The following C6orf132 variants were observed in gnomAD, a reference collection of about 807,000 sequenced individuals.
The protein encoded by C6orf132 is chromosome 6 open reading frame 132, also known as uncharacterized protein C6orf132.
C6orf132 carries 43 observed loss-of-function variants against 65.3 expected under a neutral mutation model. That is an observed-to-expected ratio of 0.66 (90% CI 0.52 to 0.85). C6orf132 has a LOEUF of 0.85. Ranked by LOEUF, C6orf132 falls within the 40% of genes least tolerant of loss-of-function variation. C6orf132 has a pLI of 0.00. For synonymous variants in C6orf132, 631 were observed against 654.1 expected (o/e 0.96, Z 0.54); for missense variants, 1,488 against 1,548.8 (o/e 0.96, Z 0.66).
chr6:42,142,588 A>C lies in C6orf132; in HGVS notation c.-144T>G. Reference sequence around the variant, plus strand: ...CCTCCCCGCCCGCGCACCGGGCAACAGGTGCTGCGGGCGCCGCCGCTTGCC... The same window carrying C: ...CCTCCCCGCCCGCGCACCGGGCAACCGGTGCTGCGGGCGCCGCCGCTTGCC... On this transcript the variant is annotated 5_prime_UTR_variant, in exon 1 of 5. Transcript: ENST00000341865. The C allele has an allele frequency of 5.2e-4, 161 of 311,664 alleles. No homozygotes were observed. The highest frequency in any genetic ancestry group is 1.4e-3 in the Middle Eastern group (1 of 726). The allele number at this position is 311,664 out of a possible 1,614,324, so 19.3% of individuals were successfully genotyped here.
rs1273883944 is a variant in C6orf132, at chr6:42,101,416, C to CAT, written c.*2344_*2345insAT. The CAT allele has an allele frequency of 6.6e-6, 1 of 152,262 alleles. No individual in the cohort carries two copies. Among genetic ancestry groups the CAT allele is most frequent in the Non-Finnish European group, 1.5e-5 (1 of 68,072 alleles). The allele number at this position is 152,262 out of a possible 1,614,324, so 9.4% of individuals were successfully genotyped here. A position where few individuals can be genotyped will look rare whatever the true frequency, so the allele number is the denominator to read the frequency against. On this transcript the variant is annotated 3_prime_UTR_variant, in exon 5 of 5. Transcript: ENST00000341865. ...GCTTTTTCAATCCTCTTCCACCAGA[C>CAT]AGACTATTAGCTTGCCATGAACAGG...
At chr6:42,132,107 G>C (rs528786856) in intron 1 of C6orf132, among the ~76,000 whole-genome samples, 3 of 152,340 alleles carry the variant, frequency 2.0e-5, no homozygotes, top group Admixed American at 6.5e-5. Context: ...CAAGGAAACA[G>C]ACTCTCCTGG....
rs1035017430 is a variant in C6orf132 at position 42,101,652 on chromosome 6, C to G, written c.*2109G>C. 2 of 152,174 alleles carry G rather than the reference C, an allele frequency of 1.3e-5. No homozygotes were observed. The highest frequency in any genetic ancestry group is 6.5e-5 in the Admixed American group (1 of 15,274). 9.4% of individuals were successfully genotyped at this position (152,174 alleles called of 1,614,324 possible). A position where few individuals can be genotyped will look rare whatever the true frequency, so the allele number is the denominator to read the frequency against. On this transcript the variant is annotated 3_prime_UTR_variant, in exon 5 of 5. Transcript: ENST00000341865. ...GAGAGTCTACGCCCCACCCCTCGAG[C>G]CTTAACATAGCAGATAAATTAATGA...
In C6orf132 at chr6:42,104,878, G is replaced by A; in HGVS notation, c.3034C>T (p.Pro1012Ser). The change falls in exon 4 of 5, where the codon CCT becomes TCT. Residue 1012 changes from proline (P) to serine (S), a missense_variant. By Grantham distance (74) the Pro-to-Ser change is moderately conservative. Transcript: ENST00000341865. This position sits in a 1 kb window ranked among gnomAD's most constrained non-coding sequence, Gnocchi z 4.1. ...AAGTCTGAGTAGTTGTTCCGGGGAG[G>A]GGAGCTCTGGCGGCCCAGATACTGG... is the stretch of plus-strand genomic sequence containing the variant. ...ALQYLGRQSS[P>S]PRNNYSDLRQ... The A allele has an allele frequency of 6.9e-7, 1 of 1,448,988 alleles. No individual in the cohort carries two copies. The highest frequency in any genetic ancestry group is 2.5e-5 in the East Asian group (1 of 40,064). The allele number at this position is 1,448,988 out of a possible 1,614,324, so 89.8% of individuals were successfully genotyped here.
intron 2 of C6orf132, among the ~76,000 whole-genome samples, chr6:42,110,829 T>A (rs1766483446): frequency 6.6e-6 from 1 of 152,190 alleles, no homozygotes; most frequent in African/African-American, 2.4e-5. Context: ...AACTCAAAAT[T>A]TTCACTGCTC....
chr6:42,104,265 G>C lies in C6orf132; in HGVS notation c.3449+198C>G, dbSNP rs1209671679. 1.3e-5 allele frequency among the ~76,000 whole-genome samples: 2 copies of C among 152,258 alleles called. No homozygotes were observed. Among genetic ancestry groups the C allele is most frequent in the Non-Finnish European group, 2.9e-5 (2 of 68,040 alleles). ...GACGAGAGGAGCTGGTGGGGAAAGA[G>C]AAGGGAGGTCAGGAGGGAGGTCAGG... is the stretch of plus-strand genomic sequence containing the variant. On this transcript the variant is annotated intron_variant, in intron 4 of 4. Coordinates refer to ENST00000341865, the MANE Select transcript of C6orf132 (RefSeq NM_001164446.3). The surrounding 1 kb of genome is among the most constrained non-coding windows in gnomAD (Gnocchi z 4.1).
rs748460340 is a variant in C6orf132, at chr6:42,107,437, C to A, written c.475G>T (p.Gly159Trp). 24 of 1,444,304 alleles carry A rather than the reference C, an allele frequency of 1.7e-5. No homozygotes were observed. The South Asian group carries it at 2.7e-4, about 16-fold the overall frequency. 89.5% of individuals were successfully genotyped at this position (1,444,304 alleles called of 1,614,324 possible). The change falls in exon 4 of 5, where the codon GGG becomes TGG. Residue 159 changes from glycine (G) to tryptophan (W), a missense_variant. By Grantham distance (184) the Gly-to-Trp change is radical (BLOSUM62 -2). Transcript: ENST00000341865. ...GPPQDISEPP[G>W]GSPLPSPPST... is the part of the protein sequence containing the mutation. ...GGTGGAGATGGCAGTGGCGACCCCC[C>A]TGGAGGTTCTGAAATGTCCTGAGGG...
At position 42,124,524 on chromosome 6, in the gene C6orf132, C is replaced by T. The variant is rs1257550895; in HGVS notation, c.252+4148G>A. Among the ~76,000 whole-genome samples the T allele has an allele frequency of 6.6e-6, 1 of 152,188 alleles. No homozygotes were observed. The highest frequency in any genetic ancestry group is 2.4e-5 in the African/African-American group (1 of 41,450). On this transcript the variant is annotated intron_variant, in intron 2 of 4. Transcript: ENST00000341865. The surrounding 1 kb of genome is among the most constrained non-coding windows in gnomAD (Gnocchi z 4.0). ...CACTGCTACCTCGTACCTCCCCTAC[C>T]CACTGGGCAGCCTGGCCTGGGAGGT...
intron 1 of C6orf132, among the ~76,000 whole-genome samples, chr6:42,129,231 G>A (rs1353014137): frequency 2.0e-5 from 3 of 152,220 alleles, no homozygotes; most frequent in Admixed American, 6.5e-5. Flanking sequence ...CCTGCTGTCC[G>A]CAGTGGCCAA....
At chr6:42,107,732 T>C (rs1766436734) in intron 3 of C6orf132, 149 bp from the exon 4 acceptor site, 1 of 992,056 alleles carries the variant, frequency 1.0e-6, no homozygotes. Context: ...AGCAGCCCTG[T>C]GTCCAGTCTC....
chr6:42,109,692 C>A (rs1166793393), intron 3 of C6orf132, among the ~76,000 whole-genome samples: 1 of 152,074 alleles, frequency 6.6e-6, no homozygotes, highest in Non-Finnish European at 1.5e-5. Context: ...CGGTCAGACT[C>A]CAGCAGTCCT....
At position 42,107,294 on chromosome 6, in the gene C6orf132, TG is replaced by T; in HGVS notation, c.617del (p.Pro206HisfsTer19). 1.1e-6 allele frequency: 1 copy of T among 880,010 alleles called. No individual in the cohort carries two copies. The highest frequency in any genetic ancestry group is 1.4e-6 in the Non-Finnish European group (1 of 697,416). The allele number at this position is 880,010 out of a possible 1,614,324, so 54.5% of individuals were successfully genotyped here. On this transcript the variant is annotated frameshift_variant, in exon 4 of 5. Coordinates refer to ENST00000341865, the MANE Select transcript of C6orf132 (RefSeq NM_001164446.3). LOFTEE classifies it high-confidence loss of function. ...TGAAGTCAGGAGGGGTGGGTATGGATGGGGAGGAAAGAGTGTGTGGTGGGGA... is the reference window on the plus strand; with the variant it reads ...TGAAGTCAGGAGGGGTGGGTATGGATGGGAGGAAAGAGTGTGTGGTGGGGA... The part of the protein sequence containing the change: ...ALSPPHTLSS[P>X]SIPTPPDFIP...
At chr6:42,119,705 G>C (rs1028944226) in intron 2 of C6orf132, among the ~76,000 whole-genome samples, 2 of 151,778 alleles carry the variant, frequency 1.3e-5, no homozygotes, top group South Asian at 4.1e-4. Context: ...GGCCAGGCTG[G>C]TCTCGAACTC....
Position 42,105,638 on chromosome 6 carries a change from T to C in C6orf132, c.2274A>G (p.Thr758=). The change falls in exon 4 of 5, where the codon ACA becomes ACG. Residue 758 remains threonine, a synonymous_variant. Coordinates refer to ENST00000341865, the MANE Select transcript of C6orf132 (RefSeq NM_001164446.3). ...ATGGCACCTCTCCTCCACCAGGAGA[T>C]GTCTTTGGTGGGAAGGCTGCAGATG... The part of the protein sequence containing the change: ...ARSSAAFPPK[T]SPGGGEVPCL... 1 of 1,537,046 alleles carries C rather than the reference T, an allele frequency of 6.5e-7. No individual in the cohort carries two copies.
intron 1 of C6orf132, among the ~76,000 whole-genome samples, 165 bp from the exon 2 acceptor site, chr6:42,128,943 G>T (rs1378759455): frequency 6.6e-6 from 1 of 152,238 alleles, no homozygotes; most frequent in South Asian, 2.1e-4. Flanking sequence ...TTATGGATGA[G>T]ATGTGCACTA....
chr6:42,138,013 C>G (rs1005968670), intron 1 of C6orf132, among the ~76,000 whole-genome samples: 3 of 152,188 alleles, frequency 2.0e-5, no homozygotes, highest in African/African-American at 7.2e-5. Flanking sequence ...GAGCCGAGAT[C>G]GTGCCACTGC....
chr6:42,126,228 G>A (rs1259046523), intron 2 of C6orf132: 3 of 151,728 alleles, frequency 2.0e-5, no homozygotes, highest in Non-Finnish European at 2.9e-5. Context: ...TTACAGGTGT[G>A]TGCCACCACA....
chr6:42,138,850 A>AACACACACACACAC (rs59373265), intron 1 of C6orf132, among the ~76,000 whole-genome samples: 15,851 of 142,616 alleles, frequency 0.11, 1,045 homozygotes, highest in Non-Finnish European at 0.12. Context: ...CATGCATTTA[A>AACACACACACACAC]ACACACACAC....
At chr6:42,109,446 T>TAAATA (rs1766464161) in intron 3 of C6orf132, among the ~76,000 whole-genome samples, 1 of 151,372 alleles carries the variant, frequency 6.6e-6, no homozygotes, top group Non-Finnish European at 1.5e-5. Flanking sequence ...AATAAATAAA[T>TAAATA]AAATAAATAA....
Sources: allele counts gnomAD v4.1 joint callset (sites outside exome capture counted in the v4.1 genomes callset), GRCh38; gene constraint gnomAD v4.1.1; non-coding constraint Gnocchi (gnomAD v3.1); transcripts MANE v1.5; gene names NCBI Gene and HGNC (gene_info 2026-07-23, HGNC 2026-07-21).